SLC25A21: variants seen among roughly 807,000 people sequenced by gnomAD.
The protein encoded by SLC25A21 is solute carrier family 25 member 21.
A neutral mutation model predicts 43.8 loss-of-function variants in SLC25A21; 47 were observed. The observed-to-expected ratio is 1.07, with a 90% confidence interval of 0.85 to 1.37. The LOEUF (loss-of-function observed/expected upper bound fraction) is 1.37. Among genes scored for constraint, SLC25A21 ranks in the 40% most tolerant of loss-of-function variants. The pLI is 0.00. For missense variants in SLC25A21, 352 were observed against 350.2 expected, an observed-to-expected ratio of 1.00 and a Z score of -0.04; for synonymous variants, 131 against 121.3, an observed-to-expected ratio of 1.08 and a Z score of -0.52.
chr14:36,817,484 G>A (rs1480394222), intron 2 of SLC25A21, among the ~76,000 whole-genome samples: 2 of 152,102 alleles, frequency 1.3e-5, no homozygotes, highest in South Asian at 2.1e-4. Context: ...CGCCTACCCC[G>A]TTTCCTTTGG....
chr14:36,823,222 C>A (rs1594618959), intron 2 of SLC25A21, among the ~76,000 whole-genome samples: 2 of 152,174 alleles, frequency 1.3e-5, no homozygotes, highest in East Asian at 1.9e-4. Flanking sequence ...AGATTACAAC[C>A]TAAATCTAAT....
chr14:36,888,745 T>C (rs1470007531), intron 1 of SLC25A21, among the ~76,000 whole-genome samples: 1 of 152,166 alleles, frequency 6.6e-6, no homozygotes, highest in Non-Finnish European at 1.5e-5. Flanking sequence ...ATACACATCA[T>C]CTTACTAAAT....
At chr14:36,929,699 G>A (rs1032919306) in intron 1 of SLC25A21, among the ~76,000 whole-genome samples, 5 of 152,084 alleles carry the variant, frequency 3.3e-5, no homozygotes, top group African/African-American at 7.2e-5. Flanking sequence ...TAATTATTGA[G>A]TCACATCGAT....
At chr14:37,170,919 T>A in intron 1 of SLC25A21, among the ~76,000 whole-genome samples, 1 of 59,602 alleles carries the variant, frequency 1.7e-5, no homozygotes, top group African/African-American at 5.0e-5. Flanking sequence ...AGCCCGTCTC[T>A]ACAAAAAAAA....
rs188417721 is a variant in SLC25A21 at position 36,884,541 on chromosome 14, A to G, written c.71-9537T>C. The stretch of plus-strand genomic sequence containing the variant: ...TGGTAATTCTATTTTTAGTTCTTTG[A>G]GGGACCTCAATACTGTGTTCCATAA... On this transcript the variant is annotated intron_variant, in intron 1 of 9. Transcript: ENST00000331299. Among the ~76,000 whole-genome samples, 251 of 152,252 alleles carry G rather than the reference A, an allele frequency of 1.6e-3. 1 individual carries two copies. The highest frequency in any genetic ancestry group is 5.3e-3 in the African/African-American group (220 of 41,558).
intron 1 of SLC25A21, among the ~76,000 whole-genome samples, chr14:36,951,838 A>G (rs1566764668): frequency 6.6e-6 from 1 of 152,202 alleles, no homozygotes; most frequent in Non-Finnish European, 1.5e-5. Context: ...TTCGCTGGTT[A>G]CATATACTAC....
intron 1 of SLC25A21, among the ~76,000 whole-genome samples, chr14:37,045,323 T>C (rs1961564691): frequency 6.6e-6 from 1 of 152,212 alleles, no homozygotes; most frequent in African/African-American, 2.4e-5. Flanking sequence ...GACACTGTTA[T>C]AGAATTAGTA....
At chr14:37,059,821 G>A (rs890410929) in intron 1 of SLC25A21, among the ~76,000 whole-genome samples, 1 of 152,088 alleles carries the variant, frequency 6.6e-6, no homozygotes. Context: ...AGTACAGTCC[G>A]CACTAGAGGG....
intron 7 of SLC25A21, 47 bp downstream of exon 7, chr14:36,711,271 C>T: frequency 1.9e-6 from 3 of 1,556,076 alleles, no homozygotes; most frequent in Admixed American, 1.7e-5. Context: ...GAGCTATCAT[C>T]ACTGATAGGA....
intron 3 of SLC25A21, among the ~76,000 whole-genome samples, chr14:36,811,771 T>C (rs967671197): frequency 6.6e-6 from 1 of 152,234 alleles, no homozygotes; most frequent in Non-Finnish European, 1.5e-5. Flanking sequence ...AAAATGAAAT[T>C]TAATTTCTAT....
At chr14:36,814,969 C>T (rs982781225) in intron 2 of SLC25A21, among the ~76,000 whole-genome samples, 1 of 152,162 alleles carries the variant, frequency 6.6e-6, no homozygotes, top group Non-Finnish European at 1.5e-5. Context: ...CACATATACA[C>T]CATGGAATAC....
intron 1 of SLC25A21, among the ~76,000 whole-genome samples, chr14:36,992,281 C>T (rs536036059): frequency 1.7e-4 from 26 of 152,196 alleles, no homozygotes; most frequent in African/African-American, 5.3e-4. Flanking sequence ...TGGTATGCAC[C>T]TGTGTAGTCT....
intron 1 of SLC25A21, among the ~76,000 whole-genome samples, chr14:36,967,073 C>T (rs924644582): frequency 6.6e-6 from 1 of 152,134 alleles, no homozygotes; most frequent in African/African-American, 2.4e-5. Context: ...TGTATGAGAA[C>T]TTGATTTTTC....
chr14:36,753,958 A>AGAGAGAGG (rs1461649508), intron 3 of SLC25A21, among the ~76,000 whole-genome samples: 4 of 145,112 alleles, frequency 2.8e-5, no homozygotes, highest in Non-Finnish European at 4.6e-5. Context: ...AGAGAGAGAG[A>AGAGAGAGG]GAAAGAGAGA....
intron 1 of SLC25A21, among the ~76,000 whole-genome samples, chr14:36,989,107 A>T (rs754763415): frequency 2.6e-4 from 40 of 152,200 alleles, no homozygotes; most frequent in Non-Finnish European, 8.8e-5. Context: ...AAAAAATCAG[A>T]TCTCAGTTCT....
At chr14:36,958,679 G>GCACACACACACA (rs71124786) in intron 1 of SLC25A21, among the ~76,000 whole-genome samples, 58 of 136,970 alleles carry the variant, frequency 4.2e-4, no homozygotes, top group East Asian at 1.6e-3. Context: ...AAGCACACGT[G>GCACACACACACA]CACACACACA....
At chr14:37,121,470 G>A (rs1963206516) in intron 1 of SLC25A21, among the ~76,000 whole-genome samples, 1 of 152,170 alleles carries the variant, frequency 6.6e-6, no homozygotes. Context: ...CATATAATTT[G>A]TTTTTGTTTT....
chr14:36,753,807 A>C (rs1174343413), intron 3 of SLC25A21, among the ~76,000 whole-genome samples: 1 of 152,034 alleles, frequency 6.6e-6, no homozygotes, highest in Non-Finnish European at 1.5e-5. Flanking sequence ...ATTTCTCTCT[A>C]TAGTGTATCC....
chr14:36,722,609 A>T (rs905545690), intron 6 of SLC25A21, among the ~76,000 whole-genome samples: 1 of 152,198 alleles, frequency 6.6e-6, no homozygotes, highest in African/African-American at 2.4e-5. Flanking sequence ...ATAGTCAAGA[A>T]AAATGAATAT....
Sources: gnomAD v4.1 joint callset for allele counts (sites outside exome capture counted in the v4.1 genomes callset) on GRCh38, gnomAD v4.1.1 for gene constraint, MANE v1.5 for transcripts, NCBI Gene and HGNC (gene_info 2026-07-23, HGNC 2026-07-21) for gene names.